Variants in AKR1A1 observed in about 807,000 individuals in gnomAD.
AKR1A1 encodes the protein HEL-S-165mP.
In AKR1A1, 26 loss-of-function variants were observed where a neutral mutation model predicts 39.2. The observed-to-expected ratio is 0.66, with a 90% CI of 0.49 to 0.92. AKR1A1 has a LOEUF of 0.92. Among genes scored for constraint, AKR1A1 ranks in the 40% least tolerant of loss-of-function variants. The probability of loss-of-function intolerance (pLI) is 0.00; values close to 1 mark genes in which losing one functional copy is unlikely to be tolerated. For synonymous variants in AKR1A1, 141 were observed against 155.5 expected, an observed-to-expected ratio of 0.91 and a Z score of 0.69; for missense variants, 378 against 406.5, an observed-to-expected ratio of 0.93 and a Z score of 0.60.
At chr1:45,565,512 C>T (rs184633003) in intron 2 of AKR1A1, among the ~76,000 whole-genome samples, 8 of 151,716 alleles carry the variant, frequency 5.3e-5, no homozygotes, top group Admixed American at 4.6e-4. Context: ...CACTCTGTCT[C>T]GCCCAGGATG....
At chr1:45,565,980 G>T (rs556256880) in intron 2 of AKR1A1, among the ~76,000 whole-genome samples, 1 of 152,160 alleles carries the variant, frequency 6.6e-6, no homozygotes, top group Non-Finnish European at 1.5e-5. Flanking sequence ...GTTTTTGCTA[G>T]ACCTTGCTGA....
At chr1:45,568,231 G>T in intron 5 of AKR1A1, 54 bp downstream of exon 5, 1 of 1,540,486 alleles carries the variant, frequency 6.5e-7, no homozygotes, top group Non-Finnish European at 8.8e-7. Context: ...AAGAGCATGA[G>T]GGAGCAGACG....
chr1:45,561,669 G>A (rs1049898831), intron 1 of AKR1A1, 120 bp from the exon 2 acceptor site: 6 of 932,818 alleles, frequency 6.4e-6, no homozygotes, highest in Non-Finnish European at 8.4e-6. Flanking sequence ...CTCCCAAAGT[G>A]CTGGGATTAC....
chr1:45,553,969 T>C (rs1044376053), intron 1 of AKR1A1, among the ~76,000 whole-genome samples: 1 of 150,732 alleles, frequency 6.6e-6, no homozygotes, highest in Non-Finnish European at 1.5e-5. Flanking sequence ...CCCTCCAGCC[T>C]GGGTGACAGA....
intron 5 of AKR1A1, 73 bp downstream of exon 5, chr1:45,568,250 G>A: frequency 6.7e-7 from 1 of 1,485,714 alleles, no homozygotes; most frequent in Non-Finnish European, 9.1e-7. Context: ...CGATGGATCT[G>A]CTTAAGGGAG....
chr1:45,566,911 A>C lies in AKR1A1; in HGVS notation c.247A>C (p.Asn83His), dbSNP rs1329177332. The change falls in exon 4 of 9, where the codon AAC becomes CAC. Residue 83 changes from asparagine (N) to histidine (H), a missense_variant. Asn to His is a moderately conservative substitution (Grantham distance 68, BLOSUM62 1). Transcript: ENST00000351829. ...EELFVTSKLW[N>H]TKHHPEDVEP... is the part of the protein sequence containing the mutation. ...GCTGTTTGTGACATCCAAGCTGTGG[A>C]ACACCAAGCACCACCCCGAGGATGT... 12 of 1,614,080 alleles carry C rather than the reference A, an allele frequency of 7.4e-6. No individual in the cohort carries two copies. Among genetic ancestry groups the C allele is most frequent in the Non-Finnish European group, 1.0e-5 (12 of 1,179,998 alleles).
chr1:45,566,138 C>T (rs1017863849), intron 2 of AKR1A1, among the ~76,000 whole-genome samples: 4 of 151,494 alleles, frequency 2.6e-5, no homozygotes, highest in African/African-American at 7.3e-5. Context: ...GATGGAGTTT[C>T]GCTCTTGTTG....
At chr1:45,567,276 T>G (rs1013765569) in intron 4 of AKR1A1, 4 of 437,036 alleles carry the variant, frequency 9.2e-6, no homozygotes, top group African/African-American at 2.0e-5. Context: ...CCTGCTCCCT[T>G]TATTCATTTA....
At chr1:45,560,460 A>G (rs1342428182) in intron 1 of AKR1A1, among the ~76,000 whole-genome samples, 3 of 152,138 alleles carry the variant, frequency 2.0e-5, no homozygotes, top group Non-Finnish European at 4.4e-5. Flanking sequence ...AAAGTTTAAA[A>G]ACATCCAGGT....
At position 45,567,211 on chromosome 1, in the gene AKR1A1, A is replaced by G. The variant is rs1644355234; in HGVS notation, c.356+191A>G. On this transcript the variant is annotated intron_variant, in intron 4 of 8. Coordinates refer to ENST00000351829, the MANE Select transcript of AKR1A1 (RefSeq NM_153326.3). The stretch of plus-strand genomic sequence containing the variant: ...TGTAGCTACAGGAGTTTAACTCTGG[A>G]AAAAGGAAGGCAGTCTCACATGGTG... The G allele has an allele frequency of 8.2e-6, 6 of 729,196 alleles. No individual in the cohort carries two copies. The East Asian group carries it at 1.1e-4, about 14-fold the overall frequency. 45.2% of individuals were successfully genotyped at this position (729,196 alleles called of 1,614,324 possible). A position where few individuals can be genotyped will look rare whatever the true frequency, so the allele number is the denominator to read the frequency against.
At chr1:45,565,122 A>ATTTTTTTTT (rs11351880) in intron 2 of AKR1A1, among the ~76,000 whole-genome samples, 1 of 53,568 alleles carries the variant, frequency 1.9e-5, no homozygotes, top group Non-Finnish European at 3.2e-5. Context: ...ACACCCAGCC[A>ATTTTTTTTT]TTTTTTTTTT....
Position 45,569,896 on chromosome 1 carries a change from T to C in AKR1A1, c.918T>C (p.Asp306=), listed in dbSNP as rs762830984. The change falls in exon 9 of 9, where the codon GAT becomes GAC. Residue 306 remains aspartate, a synonymous_variant. Transcript: ENST00000351829. ...WRYIVPMLTV[D]GKRVPRDAGH... ...CTATCTGTCTCTCTTTCCAGGTGGA[T>C]GGGAAGAGAGTCCCAAGGGATGCAG... 3 of 1,613,946 alleles carry C rather than the reference T, an allele frequency of 1.9e-6. No individual in the cohort carries two copies. The Admixed American group carries it at 5.0e-5, about 27-fold the overall frequency.
chr1:45,567,376 C>T, intron 4 of AKR1A1: 1 of 214,698 alleles, frequency 4.7e-6, no homozygotes, highest in Non-Finnish European at 9.3e-6. Flanking sequence ...ACCATTAGTG[C>T]CGTGCCCTGT....
chr1:45,552,558 G>A (rs1424511476), intron 1 of AKR1A1: 1 of 152,194 alleles, frequency 6.6e-6, no homozygotes, highest in Non-Finnish European at 1.5e-5. Context: ...AGCTAGCCAG[G>A]CAAAGGTAGG....
In AKR1A1 at chr1:45,568,965, G is replaced by A. The variant is rs537475025; in HGVS notation, c.791G>A (p.Ser264Asn). ...VQRKVICIPK[S>N]ITPSRILQNI... ...CGGAAAGTGATCTGCATCCCCAAAA[G>A]TATCACTCCTTCTCGAATCCTTCAG... is the stretch of plus-strand genomic sequence containing the variant. Residue 264 changes from serine to asparagine, a missense_variant, in exon 7 of 9, where the codon AGT (serine) becomes AAT (asparagine). Physicochemically the swap from Ser to Asn is conservative, Grantham distance 46 (BLOSUM62 1). Transcript: ENST00000351829. 4 of 1,614,180 alleles carry A rather than the reference G, an allele frequency of 2.5e-6. No homozygotes were observed. The highest frequency in any genetic ancestry group is 3.3e-5 in the Admixed American group (2 of 60,014).
chr1:45,569,564 C>T (rs147520630), intron 8 of AKR1A1, among the ~76,000 whole-genome samples: 472 of 152,192 alleles, frequency 3.1e-3, no homozygotes, highest in Middle Eastern at 0.01. Context: ...ATGAGGAGAG[C>T]CCAGAAGGCG....
In AKR1A1 at chr1:45,568,928, T is replaced by TG; in HGVS notation, c.756dup (p.Gln253AlafsTer26). 1 of 1,614,144 alleles carries TG rather than the reference T, an allele frequency of 6.2e-7. No individual in the cohort carries two copies. Among genetic ancestry groups the TG allele is most frequent in the Non-Finnish European group, 8.5e-7 (1 of 1,180,002 alleles). On this transcript the variant is annotated frameshift_variant and splice_region_variant, in exon 7 of 9. Transcript: ENST00000351829. LOFTEE classifies it high-confidence loss of function. ...CATCTGTCTAATCCCCCAACTTAGGTGGCAGGTCCAGCGGAAAGTGATCTG... is the reference window on the plus strand; with the variant it reads ...CATCTGTCTAATCCCCCAACTTAGGTGGGCAGGTCCAGCGGAAAGTGATCTG...
At chr1:45,563,846 TAACTC>T (rs1644307811) in intron 2 of AKR1A1, among the ~76,000 whole-genome samples, 1 of 152,202 alleles carries the variant, frequency 6.6e-6, no homozygotes, top group Non-Finnish European at 1.5e-5. Flanking sequence ...ATGTAGTTCT[TAACTC>T]AAGAACTGTT....
chr1:45,565,545 C>T (rs1340470760), intron 2 of AKR1A1, among the ~76,000 whole-genome samples: 1 of 152,088 alleles, frequency 6.6e-6, no homozygotes, highest in East Asian at 1.9e-4. Context: ...ATGATCTCAG[C>T]TCACTGCAGC....
Sources: allele counts gnomAD v4.1 joint callset (sites outside exome capture counted in the v4.1 genomes callset), GRCh38; gene constraint gnomAD v4.1.1; transcripts MANE v1.5; gene names NCBI Gene and HGNC (gene_info 2026-07-23, HGNC 2026-07-21).